The following ZFR variants were observed in gnomAD, a reference collection of about 807,000 sequenced individuals.
ZFR encodes the protein zinc finger RNA binding protein.
ZFR carries 19 observed loss-of-function variants against 130.7 expected under a neutral mutation model. The observed-to-expected ratio is 0.15, with a 90% CI of 0.10 to 0.21. The LOEUF is 0.21. ZFR is among the 10% of genes least tolerant of loss of function. ZFR has a pLI of 1.00. For synonymous variants in ZFR, 466 were observed against 456.9 expected, an observed-to-expected ratio of 1.02 and a Z score of -0.25; for missense variants, 872 against 1,321.5, an observed-to-expected ratio of 0.66 and a Z score of 5.27.
At chr5:32,411,061 T>C (rs1047376122) in intron 5 of ZFR, among the ~76,000 whole-genome samples, 2 of 152,212 alleles carry the variant, frequency 1.3e-5, no homozygotes, top group African/African-American at 2.4e-5. Context: ...AGTACATCCA[T>C]ACAATAAAAT....
chr5:32,370,343 GAGAGAGAGAGAC>G (rs1191021534), intron 17 of ZFR, among the ~76,000 whole-genome samples: 12 of 1,356 alleles, frequency 8.8e-3, no homozygotes, highest in Non-Finnish European at 0.016. Flanking sequence ...GAGAGAGAGA[GAGAGAGAGAGAC>G]AGACAGACAG....
At chr5:32,435,117 C>A (rs2111863184) in intron 2 of ZFR, among the ~76,000 whole-genome samples, 1 of 152,252 alleles carries the variant, frequency 6.6e-6, no homozygotes. Context: ...TGCTTCAGGT[C>A]AGGCTGGTGA....
chr5:32,384,039 T>C (rs765975605), intron 15 of ZFR, among the ~76,000 whole-genome samples: 4 of 152,362 alleles, frequency 2.6e-5, no homozygotes, highest in Non-Finnish European at 5.9e-5. Context: ...AATAATTTAC[T>C]GCAAATATGA....
chr5:32,407,089 TTTAAA>T (rs1018451041), intron 5 of ZFR, 68 bp from the exon 6 acceptor site: 35 of 1,309,130 alleles, frequency 2.7e-5, no homozygotes, highest in African/African-American at 2.5e-4. Flanking sequence ...AATTTACAAA[TTTAAA>T]TTAAATTAAT....
chr5:32,385,279 A>G (rs1472766653), intron 15 of ZFR, among the ~76,000 whole-genome samples: 1 of 152,074 alleles, frequency 6.6e-6, no homozygotes, highest in Non-Finnish European at 1.5e-5. Flanking sequence ...AAAGAAAGAA[A>G]TCAAGAAAAT....
Position 32,368,049 on chromosome 5 carries a change from G to A in ZFR, c.2836-3774C>T, listed in dbSNP as rs540115513. ...CAATAAGTATCTTTCATCAATGGGT[G>A]ATCCAGAGAGAAAACATTAACTAGT... On this transcript the variant is annotated intron_variant, in intron 17 of 19. Transcript: ENST00000265069. 5.3e-5 allele frequency among the ~76,000 whole-genome samples: 8 copies of A among 151,948 alleles called. 1 individual carries two copies. Among genetic ancestry groups the A allele is most frequent in the Admixed American group, 1.3e-4 (2 of 15,250 alleles).
Position 32,380,148 on chromosome 5 carries a change from T to C in ZFR, c.2666A>G (p.Asp889Gly). The C allele has an allele frequency of 1.2e-6, 2 of 1,614,004 alleles. No homozygotes were observed. Among genetic ancestry groups the C allele is most frequent in the East Asian group, 2.2e-5 (1 of 44,874 alleles). Residue 889 changes from aspartate to glycine, a missense_variant, in exon 16 of 20, where the codon GAC becomes GGC. Asp to Gly is a moderately conservative substitution (Grantham distance 94). Around this residue, in one of 7 missense-constraint regions of ZFR, gnomAD observed 158 missense variants for 264.0 expected, o/e 0.60. Transcript: ENST00000265069. ...EGDVTSGMVK[D>G]PPDVLDRQKC... ...TTGCCTGTCCAAGACGTCCGGTGGG[T>C]CTTTCACCATACCCGAGGTTACATC... is the stretch of plus-strand genomic sequence containing the variant.
intron 17 of ZFR, among the ~76,000 whole-genome samples, chr5:32,374,542 T>C (rs1421757554): frequency 2.0e-5 from 3 of 151,868 alleles, no homozygotes; most frequent in Non-Finnish European, 2.9e-5. Flanking sequence ...TAAATAAAAT[T>C]TGAAGCTATA....
In ZFR at chr5:32,408,333, A is replaced by AAAAAC. The variant is rs1561900533; in HGVS notation, c.785-1317_785-1313dup. Among the ~76,000 whole-genome samples, 86 of 140,134 alleles carry AAAAAC rather than the reference A, an allele frequency of 6.1e-4. 11 individuals carry two copies. Among genetic ancestry groups the AAAAAC allele is most frequent in the Non-Finnish European group, 5.5e-4 (36 of 64,908 alleles). 91.9% of individuals were successfully genotyped at this position (140,134 alleles called of 152,430 possible). A position where few individuals can be genotyped will look rare whatever the true frequency, so the allele number is the denominator to read the frequency against. On this transcript the variant is annotated intron_variant, in intron 5 of 19. Coordinates refer to ENST00000265069, the MANE Select transcript of ZFR (RefSeq NM_016107.5). ...TTGATTAAAAAAAAAAAAAAAAAAAAAAAACTAGAAGAACTATTCTTTCAG... is the reference window on the plus strand; with the variant it reads ...TTGATTAAAAAAAAAAAAAAAAAAAAAAAACAAAACTAGAAGAACTATTCTTTCAG...
At chr5:32,424,865 C>G (rs79841010) in intron 2 of ZFR, among the ~76,000 whole-genome samples, 2 of 152,066 alleles carry the variant, frequency 1.3e-5, no homozygotes, top group African/African-American at 4.8e-5. Flanking sequence ...ATAATGTAAA[C>G]GTTATCATAA....
Position 32,444,730 on chromosome 5 carries a change from G to C in ZFR, c.-72C>G. 6.7e-7 allele frequency: 1 copy of C among 1,486,032 alleles called. No homozygotes were observed. The allele number at this position is 1,486,032 out of a possible 1,614,324, so 92.1% of individuals were successfully genotyped here. A position where few individuals can be genotyped will look rare whatever the true frequency, so the allele number is the denominator to read the frequency against. On this transcript the variant is annotated 5_prime_UTR_variant, in exon 1 of 20. Coordinates refer to ENST00000265069, the MANE Select transcript of ZFR (RefSeq NM_016107.5). ...CCCTCCTCTGCCCCGCTCCTCCTCA[G>C]CGGAGAACAGACCGCCGCCTCCGAC...
At chr5:32,427,496 C>T (rs561160187) in intron 2 of ZFR, among the ~76,000 whole-genome samples, 1 of 151,108 alleles carries the variant, frequency 6.6e-6, no homozygotes, top group Non-Finnish European at 1.5e-5. Flanking sequence ...TTTAAAGACA[C>T]AAATAAATGG....
chr5:32,424,562 G>T (rs1457688568), intron 2 of ZFR, among the ~76,000 whole-genome samples: 1 of 151,118 alleles, frequency 6.6e-6, no homozygotes, highest in Non-Finnish European at 1.5e-5. Context: ...AAAGAAAAAA[G>T]GTAATGAATG....
chr5:32,364,103 T>A (rs1169025345), intron 18 of ZFR, 58 bp from the exon 19 acceptor site: 3 of 1,597,432 alleles, frequency 1.9e-6, no homozygotes, highest in Non-Finnish European at 2.6e-6. Context: ...ATAAAAAAAA[T>A]TATTCAACCA....
Position 32,385,633 on chromosome 5 carries a change from T to C in ZFR, c.2516A>G (p.Lys839Arg), listed in dbSNP as rs1427903669. 1 of 1,613,198 alleles carries C rather than the reference T, an allele frequency of 6.2e-7. No individual in the cohort carries two copies. The highest frequency in any genetic ancestry group is 1.1e-5 in the South Asian group (1 of 91,042). The change falls in exon 15 of 20, where the codon AAG becomes AGG. Residue 839 changes from lysine (K) to arginine (R), a missense_variant. By Grantham distance (26) the Lys-to-Arg change is conservative (BLOSUM62 2). This residue lies in a region of ZFR where 225 missense variants were observed against 282.4 expected (regional missense o/e 0.80). Coordinates refer to ENST00000265069, the MANE Select transcript of ZFR (RefSeq NM_016107.5). ...PKQLAVISPE[K>R]YDIKCAVSEA... is the part of the protein sequence containing the mutation. Reference sequence around the variant, plus strand: ...AGATACAGCACATTTTATGTCATACTTCTCAGGGCTTATAACCTGTGTAAT... The same window carrying C: ...AGATACAGCACATTTTATGTCATACCTCTCAGGGCTTATAACCTGTGTAAT...
At chr5:32,377,127 G>A (rs1752834673) in intron 17 of ZFR, among the ~76,000 whole-genome samples, 1 of 146,274 alleles carries the variant, frequency 6.8e-6, no homozygotes, top group Non-Finnish European at 1.5e-5. Flanking sequence ...CTGCACTCCA[G>A]CCTGGGCAAC....
At position 32,355,207 on chromosome 5, in the gene ZFR, G is replaced by A. The variant is rs1335820381; in HGVS notation, c.*553C>T. 2 of 152,112 alleles carry A rather than the reference G, an allele frequency of 1.3e-5. No individual in the cohort carries two copies. The highest frequency in any genetic ancestry group is 1.9e-4 in the East Asian group (1 of 5,194). The allele number at this position is 152,112 out of a possible 1,614,324, so 9.4% of individuals were successfully genotyped here. On this transcript the variant is annotated 3_prime_UTR_variant, in exon 20 of 20. Coordinates refer to ENST00000265069, the MANE Select transcript of ZFR (RefSeq NM_016107.5). ...CAGAAACATTCAGTTCTGAGCACTC[G>A]AATGGCAGGATAACTTTTTGTGTTG... is the stretch of plus-strand genomic sequence containing the variant.
intron 2 of ZFR, among the ~76,000 whole-genome samples, chr5:32,438,989 T>A (rs566889957): frequency 6.6e-6 from 1 of 152,230 alleles, no homozygotes; most frequent in African/African-American, 2.4e-5. Context: ...TCCAAAGTTA[T>A]GTCCTTTTGT....
rs777817877 is a variant in ZFR at position 32,384,259 on chromosome 5, CTG to C, written c.2641+1247_2641+1248del. ...TGACCTGACCAGATTGACTCAGGAA[CTG>C]TTTCTCCAGCAACACCCATGGCCAG... On this transcript the variant is annotated intron_variant, in intron 15 of 19. Coordinates refer to ENST00000265069, the MANE Select transcript of ZFR (RefSeq NM_016107.5). Among the ~76,000 whole-genome samples, 12 of 152,234 alleles carry C rather than the reference CTG, an allele frequency of 7.9e-5. No individual in the cohort carries two copies. In the East Asian group the frequency reaches 2.3e-3, roughly 29 times the overall value.
Sources: allele counts gnomAD v4.1 joint callset (sites outside exome capture counted in the v4.1 genomes callset), GRCh38; gene constraint gnomAD v4.1.1; regional missense constraint gnomAD v4.1.1; transcripts MANE v1.5; gene names NCBI Gene and HGNC (gene_info 2026-07-23, HGNC 2026-07-21).